DCDC1: variants seen among roughly 807,000 people sequenced by gnomAD.
DCDC1 encodes the protein doublecortin domain-containing protein 1.
A neutral mutation model predicts 178.3 loss-of-function variants in DCDC1; 200 were observed. The observed-to-expected ratio is 1.12, with a 90% CI of 1.00 to 1.26. DCDC1 has a LOEUF of 1.26. Among genes scored for constraint, DCDC1 ranks in the 50% most tolerant of loss-of-function variants. The pLI, the probability that DCDC1 is intolerant of heterozygous loss-of-function variation, is 0.00. For synonymous variants in DCDC1, 690 were observed against 604.8 expected (o/e 1.14, Z -2.07); for missense variants, 1,983 against 1,749.2 (o/e 1.13, Z -2.38).
At chr11:31,121,789 CATGAA>C (rs1417776901) in intron 11 of DCDC1, among the ~76,000 whole-genome samples, 3 of 151,898 alleles carry the variant, frequency 2.0e-5, no homozygotes, top group Non-Finnish European at 2.9e-5. Flanking sequence ...TGATGAAAAT[CATGAA>C]ATGAAGTTTA....
At position 30,911,369 on chromosome 11, in the gene DCDC1, G is replaced by A. The variant is rs982278285; in HGVS notation, c.3705C>T (p.Thr1235=). 1 of 1,605,808 alleles carries A rather than the reference G, an allele frequency of 6.2e-7. No individual in the cohort carries two copies. Among genetic ancestry groups the A allele is most frequent in the Non-Finnish European group, 8.5e-7 (1 of 1,176,100 alleles). ...NPDLVLAVSM[T]KTRNEVCGYP... ...AGCCACAAACTTCATTTCTAGTCTT[G>A]GTCATAGACACTGCCAGCACAAGGT... is the stretch of plus-strand genomic sequence containing the variant. The change falls in exon 28 of 39, where the codon ACC becomes ACT. Residue 1235 remains threonine (T), a synonymous_variant. Transcript: ENST00000684477.
chr11:30,984,125 A>G (rs1180848901), intron 20 of DCDC1, among the ~76,000 whole-genome samples: 1 of 152,180 alleles, frequency 6.6e-6, no homozygotes, highest in Non-Finnish European at 1.5e-5. Flanking sequence ...AGGTAAAAGG[A>G]GCAAAAATAA....
chr11:31,202,954 T>C (rs2136449030), intron 9 of DCDC1, among the ~76,000 whole-genome samples: 1 of 152,238 alleles, frequency 6.6e-6, no homozygotes, highest in South Asian at 2.1e-4. Flanking sequence ...CATGTGACTG[T>C]TGGTCAGAAA....
intron 9 of DCDC1, among the ~76,000 whole-genome samples, chr11:31,197,230 C>G (rs549440711): frequency 4.9e-4 from 74 of 152,164 alleles, no homozygotes; most frequent in Middle Eastern, 6.8e-3. Flanking sequence ...AAGCACTACA[C>G]ATTCAACATA....
At chr11:31,113,949 TC>T (rs1235552057) in intron 11 of DCDC1, among the ~76,000 whole-genome samples, 2 of 152,162 alleles carry the variant, frequency 1.3e-5, no homozygotes, top group African/African-American at 4.8e-5. Context: ...ATTAATTGGC[TC>T]TGTTAATTTC....
intron 7 of DCDC1, among the ~76,000 whole-genome samples, chr11:31,269,312 A>G (rs1945386060): frequency 6.6e-6 from 1 of 152,220 alleles, no homozygotes; most frequent in African/African-American, 2.4e-5. Context: ...TAATTAAAAT[A>G]GCATTTCCAC....
intron 7 of DCDC1, among the ~76,000 whole-genome samples, chr11:31,269,293 T>C (rs567137005): frequency 6.6e-6 from 1 of 152,338 alleles, no homozygotes; most frequent in East Asian, 1.9e-4. Flanking sequence ...CTTGCTGTAA[T>C]ATTAAGGTTA....
intron 9 of DCDC1, among the ~76,000 whole-genome samples, chr11:31,184,857 C>G (rs1221113958): frequency 2.0e-5 from 3 of 151,522 alleles, no homozygotes; most frequent in Non-Finnish European, 4.4e-5. Flanking sequence ...AAGACAGATC[C>G]TCAAGGATCT....
At chr11:31,156,695 C>G (rs1430945364) in intron 9 of DCDC1, among the ~76,000 whole-genome samples, 1 of 152,110 alleles carries the variant, frequency 6.6e-6, no homozygotes, top group Non-Finnish European at 1.5e-5. Context: ...AGCCCAGGGA[C>G]AGGTCTGTGT....
chr11:31,067,370 A>C (rs1181753168), intron 18 of DCDC1, among the ~76,000 whole-genome samples: 1 of 152,206 alleles, frequency 6.6e-6, no homozygotes, highest in Non-Finnish European at 1.5e-5. Flanking sequence ...AATACAAATC[A>C]AAACCTCAGT....
At chr11:31,358,597 T>A (rs1443000472) in intron 1 of DCDC1, among the ~76,000 whole-genome samples, 1 of 151,922 alleles carries the variant, frequency 6.6e-6, no homozygotes, top group African/African-American at 2.4e-5. Flanking sequence ...TGGGATCTCA[T>A]TAAACTAAAG....
At chr11:31,245,194 T>G (rs747986241) in intron 8 of DCDC1, among the ~76,000 whole-genome samples, 9 of 151,058 alleles carry the variant, frequency 6.0e-5, no homozygotes, top group Non-Finnish European at 5.9e-5. Context: ...TAGCATTCTC[T>G]CTCTCTTTTT....
At chr11:31,164,254 A>G (rs1966580576) in intron 9 of DCDC1, among the ~76,000 whole-genome samples, 1 of 152,206 alleles carries the variant, frequency 6.6e-6, no homozygotes, top group African/African-American at 2.4e-5. Context: ...GAGCTGAAAA[A>G]TTCCTATCTC....
At chr11:31,232,390 A>T (rs956078931) in intron 9 of DCDC1, among the ~76,000 whole-genome samples, 11 of 152,194 alleles carry the variant, frequency 7.2e-5, no homozygotes, top group Admixed American at 3.9e-4. Flanking sequence ...CTTTAAAAAA[A>T]TATAACCACT....
intron 9 of DCDC1, among the ~76,000 whole-genome samples, chr11:31,192,787 G>T (rs1970271230): frequency 1.3e-5 from 2 of 152,044 alleles, no homozygotes; most frequent in Admixed American, 6.6e-5. Flanking sequence ...CAGACAGCTG[G>T]TAAAACATTA....
intron 20 of DCDC1, among the ~76,000 whole-genome samples, chr11:31,022,246 C>T (rs1241639661): frequency 1.3e-5 from 2 of 152,146 alleles, no homozygotes; most frequent in Admixed American, 1.3e-4. Context: ...TTCCTAGTTT[C>T]TGGTGGTTTC....
intron 9 of DCDC1, among the ~76,000 whole-genome samples, chr11:31,149,960 G>A (rs1470522168): frequency 6.6e-6 from 1 of 152,156 alleles, no homozygotes; most frequent in Non-Finnish European, 1.5e-5. Flanking sequence ...GAAGGATTGC[G>A]GGATCAAATG....
chr11:30,989,356 A>G (rs968645542), intron 20 of DCDC1, among the ~76,000 whole-genome samples: 2 of 152,200 alleles, frequency 1.3e-5, no homozygotes, highest in Admixed American at 1.3e-4. Flanking sequence ...ATGTTCCAAA[A>G]TCAAGATCAT....
chr11:31,169,905 C>T (rs548776068), intron 9 of DCDC1, among the ~76,000 whole-genome samples: 1 of 152,178 alleles, frequency 6.6e-6, no homozygotes, highest in East Asian at 1.9e-4. Context: ...AGCATTCTTG[C>T]TTTTTCTGAG....
Sources: gnomAD v4.1 joint callset for allele counts (sites outside exome capture counted in the v4.1 genomes callset) on GRCh38, gnomAD v4.1.1 for gene constraint, MANE v1.5 for transcripts, NCBI Gene and HGNC (gene_info 2026-07-23, HGNC 2026-07-21) for gene names.